Variants in ANKRD55 observed in about 807,000 individuals in gnomAD.
The protein encoded by ANKRD55 is ankyrin repeat domain-containing protein 55.
ANKRD55 carries 41 observed loss-of-function variants against 60.6 expected under a neutral mutation model. The ratio of observed to expected loss-of-function variants is 0.68; its 90% CI spans 0.53 to 0.88. ANKRD55 has a LOEUF of 0.88. ANKRD55 is among the 40% of genes least tolerant of loss of function. ANKRD55 has a pLI of 0.00. For missense variants in ANKRD55, 732 were observed against 767.6 expected, an observed-to-expected ratio of 0.95 and a Z score of 0.55; for synonymous variants, 264 against 290.3, an observed-to-expected ratio of 0.91 and a Z score of 0.92.
At chr5:56,186,278 C>G (rs1050625053) in intron 2 of ANKRD55, among the ~76,000 whole-genome samples, 1 of 152,202 alleles carries the variant, frequency 6.6e-6, no homozygotes, top group African/African-American at 2.4e-5. Flanking sequence ...AGTGATCCAC[C>G]CATCTCAGCC....
At position 56,177,902 on chromosome 5, in the gene ANKRD55, G is replaced by A. The variant is rs115524218; in HGVS notation, c.182-1620C>T. Among the ~76,000 whole-genome samples, 506 of 152,006 alleles carry A rather than the reference G, an allele frequency of 3.3e-3. 4 individuals are homozygous for A. Among genetic ancestry groups the A allele is most frequent in the African/African-American group, 0.012 (489 of 41,462 alleles). ...CTAGCTTACATATAAATTTCTTCAG[G>A]GAACACCTTCCTGACCCTCCATTGT... is the stretch of plus-strand genomic sequence containing the variant. On this transcript the variant is annotated intron_variant, in intron 3 of 11. Transcript: ENST00000341048.
At chr5:56,106,978 CT>C (rs1200333630) in intron 10 of ANKRD55, among the ~76,000 whole-genome samples, 1 of 148,232 alleles carries the variant, frequency 6.7e-6, no homozygotes, top group Non-Finnish European at 1.5e-5. Flanking sequence ...AGCCACAGTA[CT>C]CCAGCCTGGG....
intron 2 of ANKRD55, among the ~76,000 whole-genome samples, chr5:56,210,593 C>G (rs1042673866): frequency 2.7e-5 from 4 of 146,534 alleles, no homozygotes; most frequent in Non-Finnish European, 6.0e-5. Flanking sequence ...AAAGAAAGTG[C>G]TTTATATACA....
chr5:56,108,986 G>A (rs764168154), intron 10 of ANKRD55, among the ~76,000 whole-genome samples: 1 of 151,622 alleles, frequency 6.6e-6, no homozygotes, highest in Non-Finnish European at 1.5e-5. Flanking sequence ...GCAGTGAGCC[G>A]AGATCATGCC....
In ANKRD55 at chr5:56,176,208, T is replaced by C. The variant is rs1463463175; in HGVS notation, c.256A>G (p.Asn86Asp). ...CCATAAGCATCCTGCATGTTAATAT[T>C]GGCTCCCATCTTCAACAGCAGCTTC... ...TVKLLLKMGANINMQDAYGRT... is the reference protein window; with the variant it reads ...TVKLLLKMGADINMQDAYGRT... The change falls in exon 4 of 12, where the codon AAT becomes GAT. Residue 86 changes from asparagine to aspartate, a missense_variant. Asn to Asp is a conservative substitution (Grantham distance 23, BLOSUM62 1). Around this residue, in one of 3 missense-constraint regions of ANKRD55, gnomAD observed 131 missense variants for 142.7 expected, o/e 0.92. Coordinates refer to ENST00000341048, the MANE Select transcript of ANKRD55 (RefSeq NM_024669.3). 1 of 1,614,230 alleles carries C rather than the reference T, an allele frequency of 6.2e-7. No homozygotes were observed. Among genetic ancestry groups the C allele is most frequent in the East Asian group, 2.2e-5 (1 of 44,884 alleles).
chr5:56,226,720 A>G (rs1423769441), intron 2 of ANKRD55, among the ~76,000 whole-genome samples: 3 of 152,238 alleles, frequency 2.0e-5, no homozygotes, highest in Non-Finnish European at 4.4e-5. Flanking sequence ...TTATGCAGCC[A>G]ACAGACACAT....
chr5:56,112,506 A>AAAAAAAAAAAAAAAC (rs1756747808), intron 9 of ANKRD55, among the ~76,000 whole-genome samples: 1 of 145,666 alleles, frequency 6.9e-6, no homozygotes, highest in African/African-American at 2.5e-5. Flanking sequence ...ATCTCTAGCA[A>AAAAAAAAAAAAAAAC]AAAAAAAAAA....
At chr5:56,192,900 T>C in intron 2 of ANKRD55, 1 of 642,532 alleles carries the variant, frequency 1.6e-6, no homozygotes, top group Non-Finnish European at 2.7e-6. Context: ...TGTCTAAAAG[T>C]ATTTTTTATG....
intron 5 of ANKRD55, among the ~76,000 whole-genome samples, chr5:56,167,750 A>G (rs1377121341): frequency 3.9e-5 from 6 of 152,190 alleles, no homozygotes; most frequent in Non-Finnish European, 8.8e-5. Flanking sequence ...CAGTTTCAAG[A>G]GAGGGGAAGC....
chr5:56,179,582 G>A (rs1434714711), intron 3 of ANKRD55, among the ~76,000 whole-genome samples: 3 of 152,136 alleles, frequency 2.0e-5, no homozygotes, highest in Admixed American at 6.6e-5. Flanking sequence ...AGGTGTGCAG[G>A]AAGGTAGCCT....
chr5:56,217,877 CAG>C (rs1282435489), intron 2 of ANKRD55, among the ~76,000 whole-genome samples: 1 of 146,390 alleles, frequency 6.8e-6, no homozygotes, highest in Admixed American at 6.9e-5. Context: ...GCCTGGGTGA[CAG>C]AGCGAGACTC....
rs139797482 is a variant in ANKRD55 at position 56,100,248 on chromosome 5, G to A, written c.1780C>T (p.Arg594Ter). The change falls in exon 12 of 12, where the codon CGA (arginine) becomes TGA (stop). Residue 594 changes from arginine (R) to a stop codon, truncating the protein, a stop_gained. Coordinates refer to ENST00000341048, the MANE Select transcript of ANKRD55 (RefSeq NM_024669.3). LOFTEE classifies it low-confidence loss of function (END_TRUNC). ...TCTTCTGCTGCTGTGCTGTGTCTTC[G>A]TTGACTTGGAATTGCAGGAAGCACT... ...NRVLPAIPSQ[R>*]RHSTAAEESE... 1.9e-4 allele frequency: 312 copies of A among 1,614,058 alleles called. No homozygotes were observed. The highest frequency in any genetic ancestry group is 4.0e-4 in the Admixed American group (24 of 59,996).
Position 56,181,681 on chromosome 5 carries a change from C to T in ANKRD55, c.181+1831G>A, listed in dbSNP as rs181685401. ...TCTCGGCTCACTGCAACCTCCGCCT[C>T]CCGGTTCAAGCAATTCTCGTGCCTC... On this transcript the variant is annotated intron_variant, in intron 3 of 11. Coordinates refer to ENST00000341048, the MANE Select transcript of ANKRD55 (RefSeq NM_024669.3). Among the ~76,000 whole-genome samples the T allele has an allele frequency of 1.8e-4, 28 of 152,270 alleles. 2 individuals carry two copies. The Middle Eastern group carries it at 0.017, about 93-fold the overall frequency.
chr5:56,124,065 T>C (rs1346585602), intron 8 of ANKRD55, among the ~76,000 whole-genome samples: 1 of 152,126 alleles, frequency 6.6e-6, no homozygotes, highest in Non-Finnish European at 1.5e-5. Flanking sequence ...TGAGGAATGA[T>C]TAATGAAACA....
At chr5:56,141,770 T>A (rs1470056911) in intron 7 of ANKRD55, among the ~76,000 whole-genome samples, 1 of 152,184 alleles carries the variant, frequency 6.6e-6, no homozygotes, top group Non-Finnish European at 1.5e-5. Flanking sequence ...GGCATGGGTA[T>A]AATAACTAAG....
intron 2 of ANKRD55, among the ~76,000 whole-genome samples, chr5:56,211,219 A>C (rs159572): frequency 0.37 from 56,996 of 152,030 alleles, 12,094 homozygotes; most frequent in East Asian, 0.65. Flanking sequence ...TTCCACAGAA[A>C]AACAGTATCT....
chr5:56,135,367 CCTTCTTTCT>C (rs1757565643), intron 7 of ANKRD55, among the ~76,000 whole-genome samples: 1 of 88,234 alleles, frequency 1.1e-5, no homozygotes, highest in South Asian at 3.7e-4. Context: ...TTCTTTCTTT[CCTTCTTTCT>C]TTCTTTCTTT....
At chr5:56,101,626 C>T (rs1756278584) in intron 11 of ANKRD55, among the ~76,000 whole-genome samples, 1 of 151,934 alleles carries the variant, frequency 6.6e-6, no homozygotes, top group Non-Finnish European at 1.5e-5. Flanking sequence ...GTGGGGGACC[C>T]AGGAATCTAC....
chr5:56,200,717 C>T (rs1759343248), intron 2 of ANKRD55, among the ~76,000 whole-genome samples: 1 of 152,158 alleles, frequency 6.6e-6, no homozygotes, highest in Admixed American at 6.5e-5. Context: ...TAAGCTGTGA[C>T]CCTTTTGCAA....
Sources: allele counts gnomAD v4.1 joint callset (sites outside exome capture counted in the v4.1 genomes callset), GRCh38; gene constraint gnomAD v4.1.1; regional missense constraint gnomAD v4.1.1; transcripts MANE v1.5; gene names NCBI Gene and HGNC (gene_info 2026-07-23, HGNC 2026-07-21).